The following MRAP2 variants were observed in gnomAD, a reference collection of about 807,000 sequenced individuals.
MRAP2 encodes the protein melanocortin-2 receptor accessory protein 2.
A neutral mutation model predicts 17.4 loss-of-function variants in MRAP2; 20 were observed. The observed-to-expected ratio is 1.15, with a 90% CI of 0.81 to 1.67. The LOEUF (loss-of-function observed/expected upper bound fraction) is 1.67. Among genes scored for constraint, MRAP2 ranks in the 40% most tolerant of loss-of-function variants. The probability of loss-of-function intolerance (pLI) is 0.00; values close to 1 mark genes in which losing one functional copy is unlikely to be tolerated. For missense variants in MRAP2, 238 were observed against 240.0 expected, an observed-to-expected ratio of 0.99 and a Z score of 0.05; for synonymous variants, 96 against 88.4, an observed-to-expected ratio of 1.09 and a Z score of -0.48.
chr6:84,145,260 A>G, the MRAP2 span, among the ~76,000 whole-genome samples: 1 of 152,096 alleles, frequency 6.6e-6, no homozygotes, highest in Non-Finnish European at 1.5e-5. Flanking sequence ...TTGCAGGCAA[A>G]ATCTGATGGC....
chr6:84,064,517 T>TCA (rs1415361296), intron 3 of MRAP2, among the ~76,000 whole-genome samples: 2 of 152,146 alleles, frequency 1.3e-5, no homozygotes, highest in East Asian at 3.9e-4. Flanking sequence ...AGACGGAGTC[T>TCA]TGCTCTGTCA....
At chr6:84,063,919 C>T (rs1042051574) in intron 3 of MRAP2, among the ~76,000 whole-genome samples, 1 of 151,850 alleles carries the variant, frequency 6.6e-6, no homozygotes, top group African/African-American at 2.4e-5. Context: ...GTGGAGGGCA[C>T]CTATAGTCCT....
At chr6:84,068,932 G>A (rs2099495499) in intron 3 of MRAP2, among the ~76,000 whole-genome samples, 2 of 151,666 alleles carry the variant, frequency 1.3e-5, no homozygotes, top group African/African-American at 4.9e-5. Context: ...GCCTCCCAAA[G>A]TGCTAGGATT....
chr6:84,125,083 G>A, the MRAP2 span: 2 of 1,611,068 alleles, frequency 1.2e-6, no homozygotes, highest in Non-Finnish European at 1.7e-6. Context: ...ATACTCTGGT[G>A]CATTCATTTC....
intron 2 of MRAP2, 21 bp downstream of exon 2, chr6:84,055,466 C>T: frequency 1.2e-6 from 2 of 1,605,432 alleles, no homozygotes; most frequent in Non-Finnish European, 1.7e-6. Flanking sequence ...TACAATTCCT[C>T]ATTGAAAGCA....
the MRAP2 span, among the ~76,000 whole-genome samples, chr6:84,115,078 G>A: frequency 6.6e-6 from 1 of 152,188 alleles, no homozygotes; most frequent in African/African-American, 2.4e-5. Context: ...GAGGCAGTCT[G>A]TCTCTTAGCA....
At chr6:84,087,301 T>C (rs537123277) in intron 3 of MRAP2, among the ~76,000 whole-genome samples, 8 of 152,230 alleles carry the variant, frequency 5.3e-5, no homozygotes, top group African/African-American at 1.7e-4. Flanking sequence ...TAAGAGACAA[T>C]GGTTGCATTC....
At position 84,062,934 on chromosome 6, in the gene MRAP2, G is replaced by A. The variant is rs749880950; in HGVS notation, c.169G>A (p.Val57Met). The change falls in exon 3 of 4, where the codon GTG becomes ATG. Residue 57 changes from valine to methionine, a missense_variant. By Grantham distance (21) the Val-to-Met change is conservative (BLOSUM62 1). Transcript: ENST00000257776. ...ATTTTGGGTTGGTCTTGCAGTCTTC[G>A]TGATTTTTATGTTTTTTGTGCTGAC... ...IGFWVGLAVF[V>M]IFMFFVLTLL... 5.5e-5 allele frequency: 89 copies of A among 1,614,004 alleles called. No homozygotes were observed. In the South Asian group the frequency reaches 5.8e-4, roughly 11 times the overall value.
chr6:84,072,460 C>T (rs901871785), intron 3 of MRAP2, among the ~76,000 whole-genome samples: 2 of 152,156 alleles, frequency 1.3e-5, no homozygotes, highest in Admixed American at 1.3e-4. Flanking sequence ...GATACCAGTG[C>T]CTGTTCCAGT....
intron 3 of MRAP2, among the ~76,000 whole-genome samples, chr6:84,080,943 A>G (rs1037150141): frequency 2.0e-5 from 3 of 152,204 alleles, no homozygotes; most frequent in South Asian, 2.1e-4. Context: ...CCAGAGGAAT[A>G]TATCTAGGTA....
At chr6:84,114,225 A>C in the MRAP2 span, among the ~76,000 whole-genome samples, 2 of 152,058 alleles carry the variant, frequency 1.3e-5, no homozygotes, top group East Asian at 1.9e-4. Flanking sequence ...AATCAAACAT[A>C]CGTTTGGTCT....
the MRAP2 span, among the ~76,000 whole-genome samples, chr6:84,139,310 T>C: frequency 6.7e-6 from 1 of 149,232 alleles, no homozygotes; most frequent in Non-Finnish European, 1.5e-5. Context: ...TCCTCTGTCC[T>C]TTCTTTATCT....
chr6:84,043,848 A>T (rs996546372), intron 1 of MRAP2, among the ~76,000 whole-genome samples: 4 of 152,100 alleles, frequency 2.6e-5, no homozygotes, highest in African/African-American at 9.7e-5. Flanking sequence ...ATCTGAATGG[A>T]CTCATAATAA....
chr6:84,052,233 G>A (rs1030356005), intron 1 of MRAP2, among the ~76,000 whole-genome samples: 1 of 152,150 alleles, frequency 6.6e-6, no homozygotes, highest in Non-Finnish European at 1.5e-5. Context: ...AGCTGCCCGT[G>A]GAGCTGCCGC....
At chr6:84,123,253 CAAA>C in the MRAP2 span, among the ~76,000 whole-genome samples, 2 of 119,426 alleles carry the variant, frequency 1.7e-5, no homozygotes, top group African/African-American at 2.9e-5. Flanking sequence ...CGCCCAACTC[CAAA>C]AAAAAAAAAA....
the MRAP2 span, among the ~76,000 whole-genome samples, chr6:84,132,430 A>T: frequency 7.9e-5 from 12 of 152,128 alleles, no homozygotes; most frequent in Admixed American, 6.6e-5. Flanking sequence ...TAATATCCTG[A>T]AGAGTGTTTT....
At chr6:84,041,779 C>A (rs1398564567) in intron 1 of MRAP2, among the ~76,000 whole-genome samples, 1 of 152,222 alleles carries the variant, frequency 6.6e-6, no homozygotes, top group Non-Finnish European at 1.5e-5. Flanking sequence ...GCCTGTACCC[C>A]CATTGTATCT....
chr6:84,068,291 T>A (rs1228855770), intron 3 of MRAP2, among the ~76,000 whole-genome samples: 1 of 152,246 alleles, frequency 6.6e-6, no homozygotes, highest in Non-Finnish European at 1.5e-5. Context: ...GACTATGGCC[T>A]TATAGTATAG....
intron 3 of MRAP2, among the ~76,000 whole-genome samples, chr6:84,088,876 G>T (rs970390879): frequency 6.6e-6 from 1 of 152,060 alleles, no homozygotes; most frequent in African/African-American, 2.4e-5. Context: ...ATGATCTGGG[G>T]GCCCTCATCT....
Sources: allele counts gnomAD v4.1 joint callset (sites outside exome capture counted in the v4.1 genomes callset), GRCh38; gene constraint gnomAD v4.1.1; transcripts MANE v1.5; gene names NCBI Gene and HGNC (gene_info 2026-07-23, HGNC 2026-07-21).